KAZN: variants seen among roughly 807,000 people sequenced by gnomAD.
KAZN encodes kazrin, periplakin interacting protein.
Under a neutral mutation model 87.4 loss-of-function variants are expected in KAZN, and 40 were observed. The ratio of observed to expected loss-of-function variants is 0.46; its 90% CI spans 0.36 to 0.60. KAZN has a LOEUF of 0.60. Among genes scored for constraint, KAZN ranks in the 20% least tolerant of loss-of-function variants. The pLI is 0.00. For synonymous variants in KAZN, 466 were observed against 458.3 expected, an observed-to-expected ratio of 1.02 and a Z score of -0.22; for missense variants, 898 against 1,073.9, an observed-to-expected ratio of 0.84 and a Z score of 2.29.
chr1:14,845,921 AAAG>A (rs1648697815), intron 1 of KAZN, among the ~76,000 whole-genome samples: 1 of 152,116 alleles, frequency 6.6e-6, no homozygotes, highest in Non-Finnish European at 1.5e-5. Flanking sequence ...CGTGCAACCT[AAAG>A]AAGGTTTGAC....
intron 1 of KAZN, among the ~76,000 whole-genome samples, chr1:14,843,677 T>C (rs1031315915): frequency 6.6e-6 from 1 of 152,226 alleles, no homozygotes; most frequent in African/African-American, 2.4e-5. Flanking sequence ...CATTTTATAC[T>C]CTTAAGATAT....
chr1:14,309,226 T>C (rs182446639), intron 2 of KAZN, among the ~76,000 whole-genome samples: 1 of 152,316 alleles, frequency 6.6e-6, no homozygotes, highest in East Asian at 1.9e-4. Flanking sequence ...TTAAAAAAAA[T>C]TGATGGTTAG....
chr1:15,107,032 G>A (rs749168443), intron 13 of KAZN, among the ~76,000 whole-genome samples: 1 of 152,172 alleles, frequency 6.6e-6, no homozygotes, highest in Non-Finnish European at 1.5e-5. Flanking sequence ...TCAGGGACAG[G>A]ACACACAAAG....
chr1:14,854,262 C>T (rs1398849240), intron 1 of KAZN, among the ~76,000 whole-genome samples: 2 of 152,188 alleles, frequency 1.3e-5, no homozygotes, highest in African/African-American at 2.4e-5. Flanking sequence ...TTCCAGCTAC[C>T]ATAGTGCCTA....
At chr1:14,075,883 G>C (rs1643437719) in intron 1 of KAZN, among the ~76,000 whole-genome samples, 2 of 152,114 alleles carry the variant, frequency 1.3e-5, no homozygotes, top group Admixed American at 1.3e-4. Context: ...AACTCATATG[G>C]GAAAGTTCTA....
intron 1 of KAZN, among the ~76,000 whole-genome samples, chr1:14,724,418 T>C (rs569118986): frequency 6.6e-5 from 10 of 152,324 alleles, no homozygotes; most frequent in African/African-American, 2.2e-4. Context: ...TGGGGCTTTC[T>C]CTAAACCACC....
At chr1:13,984,051 C>G (rs2101088378) in intron 1 of KAZN, among the ~76,000 whole-genome samples, 1 of 151,820 alleles carries the variant, frequency 6.6e-6, no homozygotes, top group Admixed American at 6.6e-5. Context: ...TCGCTGTGTC[C>G]CCAGGCTGGA....
chr1:14,882,404 GGC>G (rs1212142823), intron 1 of KAZN, among the ~76,000 whole-genome samples: 5 of 152,164 alleles, frequency 3.3e-5, no homozygotes, highest in Admixed American at 6.5e-5. Flanking sequence ...TCTCACCTGG[GGC>G]AAGTTGTTTA....
At chr1:14,265,278 G>C (rs907222356) in intron 2 of KAZN, among the ~76,000 whole-genome samples, 6 of 152,142 alleles carry the variant, frequency 3.9e-5, no homozygotes, top group African/African-American at 1.4e-4. Context: ...TGGGCTCAGA[G>C]ATGCTCATAC....
intron 2 of KAZN, among the ~76,000 whole-genome samples, chr1:14,532,790 G>A (rs1672283876): frequency 6.6e-6 from 1 of 151,790 alleles, no homozygotes; most frequent in Non-Finnish European, 1.5e-5. Flanking sequence ...TCCCTACAAA[G>A]GACATGAACT....
intron 1 of KAZN, among the ~76,000 whole-genome samples, chr1:14,614,574 G>A (rs1268404386): frequency 6.6e-6 from 1 of 152,206 alleles, no homozygotes; most frequent in Non-Finnish European, 1.5e-5. Context: ...AGCACCTCCC[G>A]CGCTGGGTTT....
At chr1:14,295,413 C>T (rs1485647946) in intron 2 of KAZN, among the ~76,000 whole-genome samples, 1 of 152,132 alleles carries the variant, frequency 6.6e-6, no homozygotes, top group East Asian at 1.9e-4. Context: ...CACACATATA[C>T]ATGAGACACA....
At chr1:14,389,339 A>G (rs1356340429) in intron 2 of KAZN, among the ~76,000 whole-genome samples, 1 of 152,232 alleles carries the variant, frequency 6.6e-6, no homozygotes, top group Non-Finnish European at 1.5e-5. Context: ...TGATTCAGCA[A>G]TCCCACTCCT....
intron 2 of KAZN, among the ~76,000 whole-genome samples, chr1:14,551,013 A>C (rs906215417): frequency 6.6e-6 from 1 of 152,002 alleles, no homozygotes; most frequent in Non-Finnish European, 1.5e-5. Context: ...GCTCCCCAGA[A>C]ATATTACTTT....
chr1:14,409,348 C>T (rs1664116552), intron 2 of KAZN, among the ~76,000 whole-genome samples: 2 of 152,188 alleles, frequency 1.3e-5, no homozygotes, highest in Admixed American at 1.3e-4. Context: ...GAAGCCAGGA[C>T]TCTGGGAGGG....
At chr1:14,563,214 G>A (rs1275923095) in intron 2 of KAZN, among the ~76,000 whole-genome samples, 1 of 152,198 alleles carries the variant, frequency 6.6e-6, no homozygotes, top group African/African-American at 2.4e-5. Context: ...AGTCACGCCT[G>A]GATCAGCCTT....
intron 1 of KAZN, among the ~76,000 whole-genome samples, chr1:14,848,200 CT>C (rs753570585): frequency 3.3e-5 from 5 of 152,184 alleles, no homozygotes; most frequent in Non-Finnish European, 7.3e-5. Context: ...TCTCCTCTCT[CT>C]TTTCTTTCCT....
At chr1:14,528,315 G>A (rs1377766558) in intron 2 of KAZN, among the ~76,000 whole-genome samples, 3 of 123,500 alleles carry the variant, frequency 2.4e-5, no homozygotes, top group African/African-American at 6.5e-5. Context: ...CCCAGCCTGG[G>A]TGACAGAGCA....
At chr1:15,031,149 C>G (rs2102226634) in intron 2 of KAZN, among the ~76,000 whole-genome samples, 1 of 152,332 alleles carries the variant, frequency 6.6e-6, no homozygotes, top group African/African-American at 2.4e-5. Flanking sequence ...GGGCTGGGGA[C>G]CCTCCAGGTT....
Sources: gnomAD v4.1 joint callset for allele counts (sites outside exome capture counted in the v4.1 genomes callset) on GRCh38, gnomAD v4.1.1 for gene constraint, MANE v1.5 for transcripts, NCBI Gene and HGNC (gene_info 2026-07-23, HGNC 2026-07-21) for gene names.